SOX5: variants seen among roughly 807,000 people sequenced by gnomAD.
The protein encoded by SOX5 is SRY-box transcription factor 5, also known as transcription factor SOX-5.
In SOX5, 9 loss-of-function variants were observed where a neutral mutation model predicts 92.0. The ratio of observed to expected loss-of-function variants is 0.10; its 90% CI spans 0.06 to 0.17. The LOEUF (loss-of-function observed/expected upper bound fraction) is 0.17, where lower values mean the gene tolerates loss of function less well. SOX5 is among the 10% of genes least tolerant of loss of function. SOX5 has a pLI of 1.00. For missense variants in SOX5, 642 were observed against 944.5 expected (o/e 0.68, Z 4.20); for synonymous variants, 344 against 336.3 (o/e 1.02, Z -0.25).
intron 3 of SOX5, among the ~76,000 whole-genome samples, chr12:24,221,370 G>T (rs1158110444): frequency 6.6e-6 from 1 of 151,998 alleles, no homozygotes; most frequent in Non-Finnish European, 1.5e-5. Flanking sequence ...TTTGTTCATT[G>T]GTTTACCTCC....
At chr12:24,013,018 T>C (rs1388265585) in intron 4 of SOX5, among the ~76,000 whole-genome samples, 1 of 152,158 alleles carries the variant, frequency 6.6e-6, no homozygotes, top group Non-Finnish European at 1.5e-5. Flanking sequence ...GTTCAAAAAT[T>C]GTGTCTTATC....
Position 24,476,932 on chromosome 12 carries a change from G to A in SOX5, c.-251+85397C>T, listed in dbSNP as rs541780876. ...AATCGAAGCACTTTGGGAGACCAAG[G>A]AGGGAGGACCGTTTGAGGCCAGGAG... On this transcript the variant is annotated intron_variant, in intron 1 of 4. Coordinates refer to the SOX5 transcript ENST00000446891. 3.2e-3 allele frequency among the ~76,000 whole-genome samples: 468 copies of A among 147,004 alleles called. 2 individuals are homozygous for A. The highest frequency in any genetic ancestry group is 0.011 in the African/African-American group (427 of 39,314).
chr12:23,621,371 C>G (rs1182496123), intron 8 of SOX5, among the ~76,000 whole-genome samples: 2 of 152,014 alleles, frequency 1.3e-5, no homozygotes, highest in South Asian at 2.1e-4. Flanking sequence ...TGGACACAGA[C>G]AGTGGTGATG....
chr12:23,777,604 C>A (rs2095146700), intron 3 of SOX5, among the ~76,000 whole-genome samples: 1 of 152,124 alleles, frequency 6.6e-6, no homozygotes, highest in South Asian at 2.1e-4. Context: ...CACAGTCTAA[C>A]TTATATATGC....
At chr12:23,738,190 C>A (rs1269009778) in intron 5 of SOX5, among the ~76,000 whole-genome samples, 5 of 152,174 alleles carry the variant, frequency 3.3e-5, no homozygotes, top group African/African-American at 4.8e-5. Context: ...TAAACAGGTC[C>A]TTTAGCTTTT....
chr12:24,302,557 A>ATT lies in SOX5; in HGVS notation c.-173-25247_-173-25246dup, dbSNP rs113586904. Among the ~76,000 whole-genome samples the ATT allele has an allele frequency of 7.5e-3, 1,112 of 148,298 alleles. 12 individuals are homozygous for ATT. The highest frequency in any genetic ancestry group is 0.025 in the African/African-American group (1,014 of 40,682). On this transcript the variant is annotated intron_variant, in intron 2 of 4. Coordinates refer to the SOX5 transcript ENST00000446891. The stretch of plus-strand genomic sequence containing the variant: ...AAGAGGGATGGATCTATGAGTTTTG[A>ATT]TTTTTTTTTTTCCCTAAGCATTACA...
chr12:23,933,462 T>C (rs1397632673), intron 1 of SOX5, among the ~76,000 whole-genome samples: 2 of 151,560 alleles, frequency 1.3e-5, no homozygotes, highest in East Asian at 1.9e-4. Context: ...TAAATCAAAA[T>C]GGAAATGTTT....
At chr12:23,787,508 C>T (rs1192157977) in intron 3 of SOX5, among the ~76,000 whole-genome samples, 4 of 151,942 alleles carry the variant, frequency 2.6e-5, no homozygotes, top group Admixed American at 6.6e-5. Flanking sequence ...ACATTTTCTT[C>T]GATCCAAAAT....
intron 1 of SOX5, among the ~76,000 whole-genome samples, chr12:24,494,239 T>C (rs1031225928): frequency 4.6e-5 from 7 of 152,044 alleles, no homozygotes; most frequent in African/African-American, 1.4e-4. Context: ...AATAAGAAAA[T>C]ATAAATAGCT....
chr12:24,376,049 A>T (rs922512316), intron 1 of SOX5, among the ~76,000 whole-genome samples: 1 of 152,186 alleles, frequency 6.6e-6, no homozygotes, highest in African/African-American at 2.4e-5. Flanking sequence ...ACTTCTACGC[A>T]CTGCCAGCCT....
chr12:23,739,203 A>G (rs2093708670), intron 5 of SOX5, among the ~76,000 whole-genome samples: 1 of 152,202 alleles, frequency 6.6e-6, no homozygotes. Flanking sequence ...CTATGCCCAG[A>G]ACATGGAAGA....
In SOX5 at chr12:24,553,438, C is replaced by A. The variant is rs193281450; in HGVS notation, c.-251+8891G>T. ...TCAAGAGCTGTTCGTTTTCCTACTT[C>A]CCCATCGTGCAGGGCTGCCTTGACT... On this transcript the variant is annotated intron_variant, in intron 1 of 4. Coordinates refer to the SOX5 transcript ENST00000446891. Among the ~76,000 whole-genome samples, 32 of 152,294 alleles carry A rather than the reference C, an allele frequency of 2.1e-4. 1 individual carries two copies. The highest frequency in any genetic ancestry group is 7.7e-4 in the African/African-American group (32 of 41,566).
chr12:23,991,531 T>C (rs1413720214), intron 4 of SOX5, among the ~76,000 whole-genome samples: 1 of 151,962 alleles, frequency 6.6e-6, no homozygotes, highest in Non-Finnish European at 1.5e-5. Flanking sequence ...TTTCCGATTT[T>C]CCAGTTATAA....
chr12:23,993,861 T>C (rs1334099261), intron 4 of SOX5, among the ~76,000 whole-genome samples: 2 of 144,980 alleles, frequency 1.4e-5, no homozygotes, highest in Non-Finnish European at 3.0e-5. Flanking sequence ...TCCCTCCCTA[T>C]GAAATGTATG....
chr12:23,626,956 C>CG (rs1283201354), intron 8 of SOX5, among the ~76,000 whole-genome samples: 1 of 152,020 alleles, frequency 6.6e-6, no homozygotes, highest in Non-Finnish European at 1.5e-5. Context: ...AACGGAACAC[C>CG]GGGCATAAAT....
intron 4 of SOX5, among the ~76,000 whole-genome samples, chr12:24,049,638 G>GTTTTTTTTTTTTT (rs527647441): frequency 2.6e-4 from 19 of 73,772 alleles, no homozygotes; most frequent in African/African-American, 1.0e-3. Context: ...ATCCTTCATA[G>GTTTTTTTTTTTTT]TTTTTTTTTT....
At chr12:24,178,426 C>G (rs988555128) in intron 4 of SOX5, among the ~76,000 whole-genome samples, 1 of 152,094 alleles carries the variant, frequency 6.6e-6, no homozygotes, top group Non-Finnish European at 1.5e-5. Flanking sequence ...AGCTGTTTAG[C>G]AAATGCTGTG....
chr12:23,946,193 T>C (rs1415996967), intron 1 of SOX5, among the ~76,000 whole-genome samples: 1 of 152,126 alleles, frequency 6.6e-6, no homozygotes, highest in Non-Finnish European at 1.5e-5. Context: ...CTGTCTGTTG[T>C]CTGCACCAAT....
chr12:24,306,423 G>T (rs535446309), intron 2 of SOX5, among the ~76,000 whole-genome samples: 1 of 152,326 alleles, frequency 6.6e-6, no homozygotes, highest in Admixed American at 6.5e-5. Context: ...TGCAAAGATT[G>T]TTATTTCCAT....
Sources: allele counts gnomAD v4.1 joint callset (sites outside exome capture counted in the v4.1 genomes callset), GRCh38; gene constraint gnomAD v4.1.1; transcripts MANE v1.5; gene names NCBI Gene and HGNC (gene_info 2026-07-23, HGNC 2026-07-21).